Variants in SVIP observed in about 807,000 individuals in gnomAD.
The protein encoded by SVIP is small VCP/p97-interacting protein.
A neutral mutation model predicts 12.9 loss-of-function variants in SVIP; 14 were observed. The ratio of observed to expected loss-of-function variants is 1.08; its 90% CI spans 0.72 to 1.70. The LOEUF is 1.70. SVIP is among the 40% of genes most tolerant of loss of function. SVIP has a pLI of 0.00. For missense variants in SVIP, 93 were observed against 90.8 expected (o/e 1.02, Z -0.10); for synonymous variants, 35 against 33.3 (o/e 1.05, Z -0.17).
Position 22,822,962 on chromosome 11 carries a change from G to C in SVIP, c.*157C>G, listed in dbSNP as rs2134745552. On this transcript the variant is annotated 3_prime_UTR_variant, in exon 4 of 4. Coordinates refer to ENST00000354193, the MANE Select transcript of SVIP (RefSeq NM_148893.3). ...AAAAGTCTAGCCATTCTCTAAGCTT[G>C]AAAATCAACGTTTTTTTAGCATTGC... The C allele has an allele frequency of 1.7e-6, 1 of 600,996 alleles. No homozygotes were observed. Among genetic ancestry groups the C allele is most frequent in the Middle Eastern group, 3.2e-4 (1 of 3,170 alleles). The allele number at this position is 600,996 out of a possible 1,614,324, so 37.2% of individuals were successfully genotyped here. A position where few individuals can be genotyped will look rare whatever the true frequency, so the allele number is the denominator to read the frequency against.
Position 22,821,550 on chromosome 11 carries a change from A to G in SVIP, c.*1569T>C, listed in dbSNP as rs1003387027. The G allele has an allele frequency of 6.6e-6, 1 of 152,160 alleles. No individual in the cohort carries two copies. Among genetic ancestry groups the G allele is most frequent in the African/African-American group, 2.4e-5 (1 of 41,436 alleles). 9.4% of individuals were successfully genotyped at this position (152,160 alleles called of 1,614,324 possible). ...TTCTTGCTATATTAAAATGGAAGAA[A>G]GGATTTGCAGAGTTCAAGGATGATA... is the stretch of plus-strand genomic sequence containing the variant. On this transcript the variant is annotated 3_prime_UTR_variant, in exon 4 of 4. Transcript: ENST00000354193.
chr11:22,828,618 G>A (rs1269364061), intron 1 of SVIP, among the ~76,000 whole-genome samples: 2 of 152,092 alleles, frequency 1.3e-5, no homozygotes, highest in African/African-American at 4.8e-5. Context: ...GCAGTGAGCC[G>A]TGTGGTTATC....
chr11:22,825,688 T>A (rs774111505), intron 3 of SVIP, among the ~76,000 whole-genome samples: 10 of 152,028 alleles, frequency 6.6e-5, no homozygotes, highest in Non-Finnish European at 1.5e-4. Context: ...GACTTCAGAG[T>A]GTGGAAGCTT....
rs1857472076 is a variant in SVIP, at chr11:22,821,164, G to GTTTTTAGTCATTTGCTTTT, written c.*1936_*1954dup. 3 of 146,674 alleles carry GTTTTTAGTCATTTGCTTTT rather than the reference G, an allele frequency of 2.0e-5. No individual in the cohort carries two copies. The highest frequency in any genetic ancestry group is 7.5e-5 in the African/African-American group (3 of 40,188). 9.1% of individuals were successfully genotyped at this position (146,674 alleles called of 1,614,324 possible). On this transcript the variant is annotated 3_prime_UTR_variant, in exon 4 of 4. Coordinates refer to ENST00000354193, the MANE Select transcript of SVIP (RefSeq NM_148893.3). ...TATATATATATAATTTTTTAGTCAT[G>GTTTTTAGTCATTTGCTTTT]TTTTTAGTCATTTGCTTTTTTTTTT...
intron 3 of SVIP, among the ~76,000 whole-genome samples, chr11:22,823,642 A>G (rs1455797500): frequency 6.6e-6 from 1 of 152,152 alleles, no homozygotes; most frequent in Non-Finnish European, 1.5e-5. Context: ...TCCTTGGGAG[A>G]CAAGCTTATA....
chr11:22,827,990 A>T (rs1857787347), intron 1 of SVIP, 116 bp from the exon 2 acceptor site: 2 of 694,802 alleles, frequency 2.9e-6, no homozygotes, highest in African/African-American at 3.7e-5. Flanking sequence ...ACTGGCCCTA[A>T]ATGTCCCACA....
Position 22,820,304 on chromosome 11 carries a change from G to C in SVIP, c.*2815C>G, listed in dbSNP as rs987633500. 6.6e-6 allele frequency: 1 copy of C among 152,198 alleles called. No individual in the cohort carries two copies. Among genetic ancestry groups the C allele is most frequent in the African/African-American group, 2.4e-5 (1 of 41,450 alleles). The allele number at this position is 152,198 out of a possible 1,614,324, so 9.4% of individuals were successfully genotyped here. A position where few individuals can be genotyped will look rare whatever the true frequency, so the allele number is the denominator to read the frequency against. Reference sequence around the variant, plus strand: ...GAAAATAAAAAGTCAAACATTTGGAGAAAGGGAAAATTCAAAGTTCATGTC... The same window carrying C: ...GAAAATAAAAAGTCAAACATTTGGACAAAGGGAAAATTCAAAGTTCATGTC... On this transcript the variant is annotated 3_prime_UTR_variant, in exon 4 of 4. Coordinates refer to ENST00000354193, the MANE Select transcript of SVIP (RefSeq NM_148893.3).
chr11:22,823,658 T>A (rs1857561726), intron 3 of SVIP, among the ~76,000 whole-genome samples: 2 of 152,158 alleles, frequency 1.3e-5, no homozygotes, highest in South Asian at 4.1e-4. Flanking sequence ...TTATAATGAA[T>A]CCTAGGCTTC....
In SVIP at chr11:22,819,444, A is replaced by T. The variant is rs2134733600; in HGVS notation, c.*3675T>A. 6.6e-6 allele frequency: 1 copy of T among 152,292 alleles called. No homozygotes were observed. The highest frequency in any genetic ancestry group is 3.4e-3 in the Middle Eastern group (1 of 296). 9.4% of individuals were successfully genotyped at this position (152,292 alleles called of 1,614,324 possible). ...CTGTTTTGATAACTAGAAGACATTA[A>T]CTCAAAACTCAACACAAATTTGGTA... On this transcript the variant is annotated 3_prime_UTR_variant, in exon 4 of 4. Coordinates refer to ENST00000354193, the MANE Select transcript of SVIP (RefSeq NM_148893.3).
At position 22,821,102 on chromosome 11, in the gene SVIP, G is replaced by A. The variant is rs1296470971; in HGVS notation, c.*2017C>T. On this transcript the variant is annotated 3_prime_UTR_variant, in exon 4 of 4. Transcript: ENST00000354193. The stretch of plus-strand genomic sequence containing the variant: ...ATAAATTAGAATTTGCAGATATTAT[G>A]TGTATATATATACACACATATATAA... 2 of 146,734 alleles carry A rather than the reference G, an allele frequency of 1.4e-5. No individual in the cohort carries two copies. The highest frequency in any genetic ancestry group is 2.5e-5 in the African/African-American group (1 of 40,184). The allele number at this position is 146,734 out of a possible 1,614,324, so 9.1% of individuals were successfully genotyped here.
rs1482100091 is a variant in SVIP at position 22,829,798 on chromosome 11, C to T, written c.-50G>A. On this transcript the variant is annotated 5_prime_UTR_variant, in exon 1 of 4. Coordinates refer to ENST00000354193, the MANE Select transcript of SVIP (RefSeq NM_148893.3). ...ACCGGGTCCGGCCCAGGCCAGGCGG[C>T]GCTAACTGCGCGGTCCGGAGCCGGT... The T allele has an allele frequency of 2.0e-6, 3 of 1,532,312 alleles. No homozygotes were observed. The highest frequency in any genetic ancestry group is 4.8e-5 in the East Asian group (2 of 41,480). The allele number at this position is 1,532,312 out of a possible 1,614,324, so 94.9% of individuals were successfully genotyped here.
In SVIP at chr11:22,829,679, G is replaced by C; in HGVS notation, c.54+16C>G. 6.3e-7 allele frequency: 1 copy of C among 1,588,596 alleles called. No individual in the cohort carries two copies. Among genetic ancestry groups the C allele is most frequent in the Middle Eastern group, 1.7e-4 (1 of 6,034 alleles). ...CAAGGCGCGGCCCGGCGGACGCAGGGACCTGCTCTACTCACCAGGTCCGGC... is the reference window on the plus strand; with the variant it reads ...CAAGGCGCGGCCCGGCGGACGCAGGCACCTGCTCTACTCACCAGGTCCGGC... On this transcript the variant is annotated intron_variant, in intron 1 of 3. Coordinates refer to ENST00000354193, the MANE Select transcript of SVIP (RefSeq NM_148893.3).
intron 1 of SVIP, among the ~76,000 whole-genome samples, chr11:22,828,744 A>T (rs934154174): frequency 1.1e-4 from 17 of 152,126 alleles, no homozygotes; most frequent in African/African-American, 4.1e-4. Context: ...CAGCAGCAAC[A>T]AAGAGAAGCT....
chr11:22,826,514 T>A (rs1857710813), intron 3 of SVIP, among the ~76,000 whole-genome samples: 1 of 152,124 alleles, frequency 6.6e-6, no homozygotes, highest in Non-Finnish European at 1.5e-5. Flanking sequence ...AAGAATAAAT[T>A]CTTAATATCT....
Position 22,822,883 on chromosome 11 carries a change from G to A in SVIP, c.*236C>T. On this transcript the variant is annotated 3_prime_UTR_variant, in exon 4 of 4. Transcript: ENST00000354193. Reference sequence around the variant, plus strand: ...CATTTTTTAACTACTAAGAAAAATAGCAAATCACCCACTAACTGCAGAAGA... The same window carrying A: ...CATTTTTTAACTACTAAGAAAAATAACAAATCACCCACTAACTGCAGAAGA... 2 of 452,216 alleles carry A rather than the reference G, an allele frequency of 4.4e-6. No individual in the cohort carries two copies. The highest frequency in any genetic ancestry group is 7.8e-6 in the Non-Finnish European group (2 of 254,980). The allele number at this position is 452,216 out of a possible 1,614,324, so 28.0% of individuals were successfully genotyped here.
chr11:22,824,357 C>T lies in SVIP; in HGVS notation c.220-1224G>A, dbSNP rs79947320. The stretch of plus-strand genomic sequence containing the variant: ...TCCTGAAGAGCCATTAGGATAGAAC[C>T]AGAGATATTTGGCAATCTCTTGATA... On this transcript the variant is annotated intron_variant, in intron 3 of 3. Coordinates refer to ENST00000354193, the MANE Select transcript of SVIP (RefSeq NM_148893.3). 5.3e-3 allele frequency among the ~76,000 whole-genome samples: 794 copies of T among 151,004 alleles called. 4 individuals carry two copies. Among genetic ancestry groups the T allele is most frequent in the Non-Finnish European group, 8.9e-3 (604 of 67,800 alleles).
Position 22,824,443 on chromosome 11 carries a change from C to CATATATATATAT in SVIP, c.220-1311_220-1310insATATATATATAT, listed in dbSNP as rs1211029468. 2.4e-3 allele frequency among the ~76,000 whole-genome samples: 270 copies of CATATATATATAT among 111,156 alleles called. 3 individuals are homozygous for CATATATATATAT. Among genetic ancestry groups the CATATATATATAT allele is most frequent in the East Asian group, 0.017 (79 of 4,570 alleles). 72.9% of individuals were successfully genotyped at this position (111,156 alleles called of 152,430 possible). On this transcript the variant is annotated intron_variant, in intron 3 of 3. Coordinates refer to ENST00000354193, the MANE Select transcript of SVIP (RefSeq NM_148893.3). Reference sequence around the variant, plus strand: ...TGTTTTATATATATATATACACACACACATATATATATATATACACATATA... The same window carrying CATATATATATAT: ...TGTTTTATATATATATATACACACACATATATATATATACATATATATATATATACACATATA...
At chr11:22,828,900 G>A (rs1480738535) in intron 1 of SVIP, among the ~76,000 whole-genome samples, 3 of 152,112 alleles carry the variant, frequency 2.0e-5, no homozygotes, top group Non-Finnish European at 4.4e-5. Context: ...CTCCCTGTAA[G>A]GAGTACTAAT....
intron 3 of SVIP, among the ~76,000 whole-genome samples, chr11:22,824,997 A>G (rs1368280163): frequency 2.0e-5 from 3 of 152,062 alleles, no homozygotes; most frequent in African/African-American, 7.2e-5. Context: ...CATCACATTG[A>G]CTTCTTCAGG....
Sources: allele counts gnomAD v4.1 joint callset (sites outside exome capture counted in the v4.1 genomes callset), GRCh38; gene constraint gnomAD v4.1.1; transcripts MANE v1.5; gene names NCBI Gene and HGNC (gene_info 2026-07-23, HGNC 2026-07-21).